PHLPP2: variants seen among roughly 807,000 people sequenced by gnomAD.
The protein encoded by PHLPP2 is PH domain leucine-rich repeat-containing protein phosphatase 2.
Under a neutral mutation model 124.9 loss-of-function variants are expected in PHLPP2, and 66 were observed. The observed-to-expected ratio is 0.53, with a 90% CI of 0.43 to 0.65. PHLPP2 has a LOEUF of 0.65. Among genes scored for constraint, PHLPP2 ranks in the 30% least tolerant of loss-of-function variants. PHLPP2 has a pLI of 0.00. For synonymous variants in PHLPP2, 681 were observed against 624.7 expected (o/e 1.09, Z -1.34); for missense variants, 1,685 against 1,600.4 (o/e 1.05, Z -0.90).
chr16:71,695,381 G>A (rs528801103), intron 3 of PHLPP2, among the ~76,000 whole-genome samples: 1 of 152,246 alleles, frequency 6.6e-6, no homozygotes, highest in Admixed American at 6.5e-5. Flanking sequence ...AGACTATAAT[G>A]CATACATGAT....
chr16:71,689,143 G>A (rs1305645207), intron 4 of PHLPP2, among the ~76,000 whole-genome samples: 1 of 152,106 alleles, frequency 6.6e-6, no homozygotes, highest in African/African-American at 2.4e-5. Context: ...AGCCCAGGAG[G>A]CCCACAGACC....
chr16:71,702,662 A>T lies in PHLPP2; in HGVS notation c.354T>A (p.Asp118Glu). Residue 118 changes from aspartate to glutamate, a missense_variant, in exon 3 of 19, where the codon GAT becomes GAA. Asp to Glu is a conservative substitution (Grantham distance 45). Transcript: ENST00000568954. ...TAGCCTCCTCCTGTATGCGCACAGG[A>T]TCATCAAATCCCAGCCTGGATAAGT... The part of the protein sequence containing the change: ...YDYLSRLGFD[D>E]PVRIQEEATN... The T allele has an allele frequency of 1.9e-6, 3 of 1,611,168 alleles. No individual in the cohort carries two copies. The highest frequency in any genetic ancestry group is 2.5e-6 in the Non-Finnish European group (3 of 1,178,738).
intron 1 of PHLPP2, among the ~76,000 whole-genome samples, chr16:71,722,545 G>A (rs1489120674): frequency 6.6e-6 from 1 of 152,046 alleles, no homozygotes; most frequent in African/African-American, 2.4e-5. Context: ...TTGTTTTTCC[G>A]TGTTCCCATC....
intron 17 of PHLPP2, among the ~76,000 whole-genome samples, chr16:71,653,515 G>C (rs1038487914): frequency 2.0e-5 from 3 of 152,132 alleles, no homozygotes; most frequent in African/African-American, 7.2e-5. Context: ...TCGAGGGAAG[G>C]ACCATGATTC....
intron 3 of PHLPP2, among the ~76,000 whole-genome samples, chr16:71,693,219 G>A (rs1364880971): frequency 2.6e-5 from 4 of 152,056 alleles, no homozygotes; most frequent in African/African-American, 4.8e-5. Flanking sequence ...CCCAGGAGGC[G>A]GAGGTTGCAG....
At chr16:71,682,432 C>T (rs2045010235) in intron 5 of PHLPP2, among the ~76,000 whole-genome samples, 1 of 152,082 alleles carries the variant, frequency 6.6e-6, no homozygotes, top group South Asian at 2.1e-4. Flanking sequence ...ATCCACCCAC[C>T]TCAACCTCCC....
At chr16:71,696,442 GC>G (rs2045171925) in intron 3 of PHLPP2, among the ~76,000 whole-genome samples, 3 of 152,050 alleles carry the variant, frequency 2.0e-5, no homozygotes, top group Admixed American at 1.3e-4. Flanking sequence ...TTCGAGACCA[GC>G]CTGACCAACA....
At chr16:71,692,500 A>G (rs1176492674) in intron 3 of PHLPP2, among the ~76,000 whole-genome samples, 1 of 152,182 alleles carries the variant, frequency 6.6e-6, no homozygotes, top group Non-Finnish European at 1.5e-5. Context: ...AATGAGCTAG[A>G]TTACTTCAAA....
intron 4 of PHLPP2, among the ~76,000 whole-genome samples, chr16:71,685,794 G>A (rs559107362): frequency 4.8e-4 from 73 of 152,214 alleles, no homozygotes; most frequent in African/African-American, 1.4e-3. Context: ...AGACAGATCT[G>A]TAAATCTCTC....
intron 13 of PHLPP2, among the ~76,000 whole-genome samples, chr16:71,662,068 C>T (rs1023881499): frequency 3.3e-5 from 5 of 151,946 alleles, no homozygotes; most frequent in Admixed American, 6.5e-5. Context: ...GTGATCCGCC[C>T]GCCTCGGCCT....
At chr16:71,723,186 A>T (rs1346811100) in intron 1 of PHLPP2, 1 of 151,958 alleles carries the variant, frequency 6.6e-6, no homozygotes, top group Non-Finnish European at 1.5e-5. Flanking sequence ...TTCTCTCTCC[A>T]AGCTGGGCGG....
chr16:71,678,572 C>T (rs2044968550), intron 8 of PHLPP2, 183 bp downstream of exon 8: 1 of 566,954 alleles, frequency 1.8e-6, no homozygotes, highest in East Asian at 3.0e-5. Context: ...AACGGGAGGT[C>T]AAGACTGCAG....
In PHLPP2 at chr16:71,646,691, A is replaced by G. The variant is rs939159409; in HGVS notation, c.*2199T>C. The G allele has an allele frequency of 2.0e-5, 3 of 151,640 alleles. No homozygotes were observed. Among genetic ancestry groups the G allele is most frequent in the Non-Finnish European group, 4.4e-5 (3 of 67,908 alleles). 9.4% of individuals were successfully genotyped at this position (151,640 alleles called of 1,614,324 possible). A position where few individuals can be genotyped will look rare whatever the true frequency, so the allele number is the denominator to read the frequency against. On this transcript the variant is annotated 3_prime_UTR_variant, in exon 19 of 19. Coordinates refer to ENST00000568954, the MANE Select transcript of PHLPP2 (RefSeq NM_015020.3). ...ACTATCATCCTGTTATTTCATTTTC[A>G]TTTTTTCTTCATTAAAAAAAATTTC...
intron 13 of PHLPP2, among the ~76,000 whole-genome samples, chr16:71,660,421 A>ATTTT (rs34944080): frequency 5.5e-5 from 4 of 72,628 alleles, no homozygotes; most frequent in Admixed American, 2.5e-4. Flanking sequence ...TATACACTGT[A>ATTTT]TTTTTTTTTT....
chr16:71,657,700 A>C (rs931806586), intron 15 of PHLPP2, among the ~76,000 whole-genome samples: 8 of 152,160 alleles, frequency 5.3e-5, no homozygotes, highest in Admixed American at 1.3e-4. Context: ...GGCCAATAAT[A>C]TTATCTTTTA....
intron 17 of PHLPP2, 64 bp from the exon 18 acceptor site, chr16:71,653,085 C>T: frequency 1.1e-6 from 1 of 904,778 alleles, no homozygotes; most frequent in Non-Finnish European, 1.7e-6. Flanking sequence ...GGTGGTCCTG[C>T]ACGTACATCC....
At chr16:71,711,512 C>T (rs1487247511) in intron 2 of PHLPP2, among the ~76,000 whole-genome samples, 1 of 152,062 alleles carries the variant, frequency 6.6e-6, no homozygotes, top group Non-Finnish European at 1.5e-5. Context: ...TATAAGAATG[C>T]CAGGATTCAA....
chr16:71,662,839 G>A (rs1421022234), intron 13 of PHLPP2, among the ~76,000 whole-genome samples: 1 of 150,906 alleles, frequency 6.6e-6, no homozygotes, highest in Non-Finnish European at 1.5e-5. Context: ...CCTGGCCAAC[G>A]TAATGAGATC....
intron 11 of PHLPP2, among the ~76,000 whole-genome samples, chr16:71,668,926 A>C (rs1567616329): frequency 6.6e-6 from 1 of 152,220 alleles, no homozygotes; most frequent in Non-Finnish European, 1.5e-5. Context: ...GGATTAGGTA[A>C]GATCATAAAA....
Sources: gnomAD v4.1 joint callset for allele counts (sites outside exome capture counted in the v4.1 genomes callset) on GRCh38, gnomAD v4.1.1 for gene constraint, MANE v1.5 for transcripts, NCBI Gene and HGNC (gene_info 2026-07-23, HGNC 2026-07-21) for gene names.